The following NWD1 variants were observed in gnomAD, a reference collection of about 807,000 sequenced individuals.
NWD1 encodes NACHT domain- and WD repeat-containing protein 1.
Under a neutral mutation model 135.1 loss-of-function variants are expected in NWD1, and 129 were observed. The observed-to-expected ratio is 0.96, with a 90% confidence interval of 0.83 to 1.11. The LOEUF is 1.11. Among genes scored for constraint, NWD1 ranks in the 50% least tolerant of loss-of-function variants. The probability of loss-of-function intolerance (pLI) is 0.00; values close to 1 mark genes in which losing one functional copy is unlikely to be tolerated. For missense variants in NWD1, 1,740 were observed against 1,851.3 expected, an observed-to-expected ratio of 0.94 and a Z score of 1.10; for synonymous variants, 773 against 786.0, an observed-to-expected ratio of 0.98 and a Z score of 0.28.
chr19:16,729,577 T>TAAAAAAAAAAAAAAA (rs537329853), intron 2 of NWD1, among the ~76,000 whole-genome samples: 56 of 125,046 alleles, frequency 4.5e-4, no homozygotes, highest in African/African-American at 1.6e-3. Context: ...TTACAAAAAG[T>TAAAAAAAAAAAAAAA]AAAAAAAAAA....
In NWD1 at chr19:16,800,146, T is replaced by C. The variant is rs1279615317; in HGVS notation, c.3720T>C (p.Ile1240=). The C allele has an allele frequency of 8.7e-6, 14 of 1,612,376 alleles. No individual in the cohort carries two copies. The Admixed American group carries it at 2.3e-4, about 27-fold the overall frequency. ...TTGGGGACAAAAACAAAGTCACTAT[T>C]TGGGACTTGGCAGAAGGTTGGTAAG... is the stretch of plus-strand genomic sequence containing the variant. ...PKIGDKNKVT[I]WDLAEGEEQD... is the part of the protein sequence containing the mutation. Residue 1240 remains isoleucine (I), a synonymous_variant, in exon 17 of 19, where the codon ATT becomes ATC. Transcript: ENST00000524140.
chr19:16,744,482 G>T lies in NWD1; in HGVS notation c.260G>T (p.Trp87Leu), dbSNP rs957181734. The T allele has an allele frequency of 6.5e-7, 1 of 1,535,664 alleles. No individual in the cohort carries two copies. Among genetic ancestry groups the T allele is most frequent in the Admixed American group, 2.0e-5 (1 of 50,990 alleles). Residue 87 changes from tryptophan to leucine, a missense_variant, in exon 5 of 19, where the codon TGG becomes TTG. Physicochemically the swap from Trp to Leu is moderately conservative, Grantham distance 61. Coordinates refer to ENST00000524140, the MANE Select transcript of NWD1 (RefSeq NM_001007525.5). ...CCCTCGCGGATCGATGAGAAGGAGT[G>T]GGAGGTATTGAGGGACCATCTGACT... is the stretch of plus-strand genomic sequence containing the variant. ...LIPSRIDEKE[W>L]EVLRDHLTAR...
chr19:16,741,368 G>GTTGTTT (rs1050266542), intron 4 of NWD1, among the ~76,000 whole-genome samples: 1 of 125,022 alleles, frequency 8.0e-6, no homozygotes, highest in Non-Finnish European at 1.7e-5. Flanking sequence ...TTGTTTTTGT[G>GTTGTTT]TTTTTTTTTT....
intron 18 of NWD1, among the ~76,000 whole-genome samples, chr19:16,813,569 C>T (rs1970987923): frequency 6.6e-6 from 1 of 152,040 alleles, no homozygotes; most frequent in Non-Finnish European, 1.5e-5. Context: ...CTCTGCCTCC[C>T]AGGTTCAAGT....
At chr19:16,761,899 A>T (rs1452218943) in intron 7 of NWD1, 80 bp from the exon 8 acceptor site, 1 of 1,230,128 alleles carries the variant, frequency 8.1e-7, no homozygotes, top group Non-Finnish European at 1.2e-6. Flanking sequence ...GGATTTGGGA[A>T]CTGCCTCCAG....
chr19:16,766,617 G>A (rs773615294), intron 10 of NWD1, among the ~76,000 whole-genome samples: 3 of 151,308 alleles, frequency 2.0e-5, no homozygotes, highest in African/African-American at 7.3e-5. Flanking sequence ...ACAGGATCTC[G>A]CTTCATTACC....
Position 16,801,140 on chromosome 19 carries a change from G to A in NWD1, c.3736+978G>A, listed in dbSNP as rs531991331. Among the ~76,000 whole-genome samples, 457 of 152,118 alleles carry A rather than the reference G, an allele frequency of 3.0e-3. 3 individuals are homozygous for A. Among genetic ancestry groups the A allele is most frequent in the South Asian group, 0.018 (89 of 4,820 alleles). The stretch of plus-strand genomic sequence containing the variant: ...TAAAGCAATACAAAATTAGCTGGGC[G>A]TGGTGGTGCATGCCTGTAATCCCAG... On this transcript the variant is annotated intron_variant, in intron 17 of 18. Coordinates refer to ENST00000524140, the MANE Select transcript of NWD1 (RefSeq NM_001007525.5).
At chr19:16,782,458 C>T (rs1319048897) in intron 12 of NWD1, among the ~76,000 whole-genome samples, 1 of 151,748 alleles carries the variant, frequency 6.6e-6, no homozygotes, top group Non-Finnish European at 1.5e-5. Flanking sequence ...AGAGTGAGAC[C>T]TTGTTTCCAA....
chr19:16,734,774 C>T lies in NWD1; in HGVS notation c.82-1860C>T, dbSNP rs145279920. On this transcript the variant is annotated intron_variant, in intron 3 of 18. Transcript: ENST00000524140. ...TTTATTTATTTATTTATTGTAGACA[C>T]AATGTCTCCCTATATTGTTCAGGCT... Among the ~76,000 whole-genome samples, 100 of 134,160 alleles carry T rather than the reference C, an allele frequency of 7.5e-4. No homozygotes were observed. The East Asian group carries it at 0.018, about 24-fold the overall frequency. The allele number at this position is 134,160 out of a possible 152,430, so 88.0% of individuals were successfully genotyped here. A position where few individuals can be genotyped will look rare whatever the true frequency, so the allele number is the denominator to read the frequency against.
chr19:16,749,438 G>A lies in NWD1; in HGVS notation c.796G>A (p.Gly266Ser), dbSNP rs376481084. The change falls in exon 6 of 19, where the codon GGT becomes AGT. Residue 266 changes from glycine (G) to serine (S), a missense_variant. Gly to Ser is a moderately conservative substitution (Grantham distance 56, BLOSUM62 0). Transcript: ENST00000524140. ...TCACGCCTGCTACCTGAAGGAGCTG[G>A]GTGAGCAGTTTGTGGTGAGGGCCAA... ...KTHACYLKELGEQFVVRANHQ... is the reference protein window; with the variant it reads ...KTHACYLKELSEQFVVRANHQ... 3.9e-5 allele frequency: 63 copies of A among 1,613,656 alleles called. No homozygotes were observed. Among genetic ancestry groups the A allele is most frequent in the Non-Finnish European group, 5.3e-5 (62 of 1,179,754 alleles).
intron 17 of NWD1, among the ~76,000 whole-genome samples, chr19:16,802,947 C>CA (rs59153702): frequency 0.032 from 2,636 of 81,700 alleles, 64 homozygotes; most frequent in African/African-American, 0.072. Flanking sequence ...GACTCTGTCT[C>CA]AAAAAAAAAA....
At chr19:16,741,968 G>C (rs187520194) in intron 4 of NWD1, among the ~76,000 whole-genome samples, 6 of 151,572 alleles carry the variant, frequency 4.0e-5, no homozygotes, top group Admixed American at 6.6e-5. Context: ...AAAATTAGCC[G>C]GGTGTGGTGG....
intron 6 of NWD1, among the ~76,000 whole-genome samples, chr19:16,755,733 T>C (rs1003506716): frequency 7.3e-6 from 1 of 136,996 alleles, no homozygotes; most frequent in African/African-American, 2.5e-5. Flanking sequence ...AGATGGGGTC[T>C]CACTATGTTG....
Position 16,799,923 on chromosome 19 carries a change from T to C in NWD1, c.3497T>C (p.Ile1166Thr), listed in dbSNP as rs891923152. The change falls in exon 17 of 19, where the codon ATC becomes ACC. Residue 1166 changes from isoleucine (I) to threonine (T), a missense_variant. By Grantham distance (89) the Ile-to-Thr change is moderately conservative. Coordinates refer to ENST00000524140, the MANE Select transcript of NWD1 (RefSeq NM_001007525.5). The part of the protein sequence containing the change: ...SLSEQGTLLD[I>T]LEGVGAPVSL... ...TCAGAACAGGGGACCCTTCTGGACATCCTGGAAGGCGTCGGGGCCCCCGTG... is the reference window on the plus strand; with the variant it reads ...TCAGAACAGGGGACCCTTCTGGACACCCTGGAAGGCGTCGGGGCCCCCGTG... The C allele has an allele frequency of 1.9e-6, 3 of 1,613,668 alleles. No homozygotes were observed. Among genetic ancestry groups the C allele is most frequent in the Non-Finnish European group, 2.5e-6 (3 of 1,179,792 alleles).
intron 13 of NWD1, among the ~76,000 whole-genome samples, chr19:16,790,160 A>G (rs535035408): frequency 8.1e-4 from 123 of 152,262 alleles, no homozygotes; most frequent in African/African-American, 2.8e-3. Flanking sequence ...GTGATAGCTT[A>G]CTAATTGATG....
intron 15 of NWD1, among the ~76,000 whole-genome samples, chr19:16,796,629 T>G (rs1369563940): frequency 6.6e-6 from 1 of 152,090 alleles, no homozygotes; most frequent in African/African-American, 2.4e-5. Context: ...TCTCCCTTCT[T>G]ACTTTCTTTC....
intron 2 of NWD1, among the ~76,000 whole-genome samples, chr19:16,725,218 G>A (rs1459927737): frequency 2.6e-5 from 4 of 151,808 alleles, no homozygotes; most frequent in African/African-American, 9.7e-5. Context: ...TGGCCAGGCT[G>A]ATCCTAGACT....
intron 10 of NWD1, among the ~76,000 whole-genome samples, chr19:16,771,017 G>A (rs569615160): frequency 2.0e-5 from 3 of 152,266 alleles, no homozygotes; most frequent in Non-Finnish European, 2.9e-5. Context: ...GAGGGAGATG[G>A]GGCCGAGTGC....
At chr19:16,809,997 C>T (rs1282770293) in intron 18 of NWD1, among the ~76,000 whole-genome samples, 1 of 152,126 alleles carries the variant, frequency 6.6e-6, no homozygotes, top group Non-Finnish European at 1.5e-5. Context: ...CTTGGAGCCA[C>T]TTTGTAGTTG....
Sources: allele counts gnomAD v4.1 joint callset (sites outside exome capture counted in the v4.1 genomes callset), GRCh38; gene constraint gnomAD v4.1.1; transcripts MANE v1.5; gene names NCBI Gene and HGNC (gene_info 2026-07-23, HGNC 2026-07-21).